C10orf71: variants seen among roughly 807,000 people sequenced by gnomAD.
C10orf71 encodes cardiac-enriched FHL2-interacting protein.
For synonymous variants in C10orf71, 758 were observed against 726.3 expected (o/e 1.04, Z -0.70); for missense variants, 1,869 against 1,804.5 (o/e 1.04, Z -0.65).
In C10orf71 at chr10:49,323,570, C is replaced by T. The variant is rs756308563; in HGVS notation, c.1025C>T (p.Ala342Val). 68 of 1,605,590 alleles carry T rather than the reference C, an allele frequency of 4.2e-5. No individual in the cohort carries two copies. Among genetic ancestry groups the T allele is most frequent in the Non-Finnish European group, 5.5e-5 (65 of 1,175,408 alleles). ...GAAGAGAACAGACTTGCAGCAGGGG[C>T]TCTGTCCACATCTATACCCTGGGGG... ...SQEENRLAAG[A>V]LSTSIPWGCR... The change falls in exon 3 of 3, where the codon GCT becomes GTT. Residue 342 changes from alanine (A) to valine (V), a missense_variant. Coordinates refer to ENST00000374144, the MANE Select transcript of C10orf71 (RefSeq NM_001135196.2).
intron 1 of C10orf71, among the ~76,000 whole-genome samples, chr10:49,314,831 T>G (rs750896585): frequency 6.6e-6 from 1 of 152,296 alleles, no homozygotes; most frequent in African/African-American, 2.4e-5. Context: ...TTTTCCCTTC[T>G]TTTCTGTGCC....
chr10:49,313,838 TGGGTGGGCGGA>T (rs1354135936), intron 1 of C10orf71, among the ~76,000 whole-genome samples: 3 of 151,988 alleles, frequency 2.0e-5, no homozygotes, highest in Non-Finnish European at 4.4e-5. Flanking sequence ...AGTTGCCTGG[TGGGTGGGCGGA>T]GGCGTGGACT....
chr10:49,309,245 T>C (rs1335256571), intron 1 of C10orf71, among the ~76,000 whole-genome samples: 1 of 152,150 alleles, frequency 6.6e-6, no homozygotes, highest in Non-Finnish European at 1.5e-5. Context: ...CCCAGTGGAA[T>C]GGTATTAGGA....
intron 2 of C10orf71, among the ~76,000 whole-genome samples, chr10:49,316,944 T>C (rs1004899405): frequency 6.6e-6 from 1 of 152,144 alleles, no homozygotes; most frequent in Non-Finnish European, 1.5e-5. Context: ...AAAAAACAAA[T>C]AGTGAATACC....
Position 49,326,263 on chromosome 10 carries a change from C to T in C10orf71, c.3718C>T (p.Pro1240Ser), listed in dbSNP as rs754570250. 2 of 1,550,134 alleles carry T rather than the reference C, an allele frequency of 1.3e-6. No homozygotes were observed. The highest frequency in any genetic ancestry group is 1.2e-5 in the South Asian group (1 of 84,064). Residue 1240 changes from proline to serine, a missense_variant, in exon 3 of 3, where the codon CCT (proline) becomes TCT (serine). Physicochemically the swap from Pro to Ser is moderately conservative, Grantham distance 74. Coordinates refer to ENST00000374144, the MANE Select transcript of C10orf71 (RefSeq NM_001135196.2). The stretch of plus-strand genomic sequence containing the variant: ...TTTCCCCGTGGTCCGTTCCCTGCCC[C>T]CTCCCGTGCACCGCCACTCCGTGTC... ...HNFPVVRSLP[P>S]PVHRHSVSGF...
chr10:49,311,940 A>G (rs938172730), intron 1 of C10orf71, among the ~76,000 whole-genome samples: 1 of 152,240 alleles, frequency 6.6e-6, no homozygotes, highest in Non-Finnish European at 1.5e-5. Flanking sequence ...CATCCCAGTC[A>G]ATAATAACAG....
Position 49,323,434 on chromosome 10 carries a change from G to T in C10orf71, c.889G>T (p.Val297Phe). 1 of 1,613,970 alleles carries T rather than the reference G, an allele frequency of 6.2e-7. No individual in the cohort carries two copies. Among genetic ancestry groups the T allele is most frequent in the Non-Finnish European group, 8.5e-7 (1 of 1,179,870 alleles). Residue 297 changes from valine (V) to phenylalanine (F), a missense_variant, in exon 3 of 3, where the codon GTC (valine) becomes TTC (phenylalanine). Physicochemically the swap from Val to Phe is conservative, Grantham distance 50. Coordinates refer to ENST00000374144, the MANE Select transcript of C10orf71 (RefSeq NM_001135196.2). ...GGAGAGAAAGGACACAGCTGGAACC[G>T]TCCCAGAAAGCAAAGCTCCCAAGCA... ...LLERKDTAGT[V>F]PESKAPKHYG...
Position 49,325,453 on chromosome 10 carries a change from G to T in C10orf71, c.2908G>T (p.Val970Leu). 1 of 1,550,284 alleles carries T rather than the reference G, an allele frequency of 6.5e-7. No homozygotes were observed. Among genetic ancestry groups the T allele is most frequent in the Non-Finnish European group, 8.7e-7 (1 of 1,145,930 alleles). The part of the protein sequence containing the change: ...SMPLVGEGDR[V>L]KAPPDAAPGL... ...GCCTCTGGTGGGAGAGGGGGACCGG[G>T]TGAAGGCACCACCAGATGCTGCACC... Residue 970 changes from valine to leucine, a missense_variant, in exon 3 of 3, where the codon GTG becomes TTG. By Grantham distance (32) the Val-to-Leu change is conservative. Transcript: ENST00000374144.
chr10:49,313,476 T>C (rs949736297), intron 1 of C10orf71, among the ~76,000 whole-genome samples: 1 of 152,144 alleles, frequency 6.6e-6, no homozygotes, highest in African/African-American at 2.4e-5. Context: ...TGGAAAGCCA[T>C]CGAGAGATTC....
intron 1 of C10orf71, among the ~76,000 whole-genome samples, chr10:49,311,395 G>A (rs1308265326): frequency 6.6e-6 from 1 of 152,242 alleles, no homozygotes; most frequent in Non-Finnish European, 1.5e-5. Context: ...CCAGCCAGGA[G>A]CCCCGAGGAA....
In C10orf71 at chr10:49,325,080, A is replaced by C; in HGVS notation, c.2535A>C (p.Pro845=). The change falls in exon 3 of 3, where the codon CCA becomes CCC. Residue 845 remains proline, a synonymous_variant. Coordinates refer to ENST00000374144, the MANE Select transcript of C10orf71 (RefSeq NM_001135196.2). Reference sequence around the variant, plus strand: ...AGGCCAAAGACCTTACTCCCTCACCATCTTCTGCTTCAAACAGGCACATGC... The same window carrying C: ...AGGCCAAAGACCTTACTCCCTCACCCTCTTCTGCTTCAAACAGGCACATGC... ...FSQAKDLTPS[P]SSASNRHMLF... 1 of 1,551,854 alleles carries C rather than the reference A, an allele frequency of 6.4e-7. No homozygotes were observed. Among genetic ancestry groups the C allele is most frequent in the South Asian group, 1.2e-5 (1 of 84,062 alleles).
chr10:49,310,599 G>C (rs1848893708), intron 1 of C10orf71, among the ~76,000 whole-genome samples: 1 of 152,168 alleles, frequency 6.6e-6, no homozygotes, highest in Non-Finnish European at 1.5e-5. Context: ...CTGCCTCAGA[G>C]GAGTCATGAG....
At chr10:49,303,357 C>G (rs1160944996) in intron 1 of C10orf71, among the ~76,000 whole-genome samples, 1 of 152,168 alleles carries the variant, frequency 6.6e-6, no homozygotes, top group Non-Finnish European at 1.5e-5. Context: ...AGGCTCAGGA[C>G]AAGGGCAGAC....
chr10:49,298,382 G>A (rs1848671149), upstream of C10orf71, among the ~76,000 whole-genome samples: 1 of 152,230 alleles, frequency 6.6e-6, no homozygotes, highest in African/African-American at 2.4e-5. Flanking sequence ...CTGGTAGCAA[G>A]CAGACTATCC....
chr10:49,309,128 G>A (rs759335239), intron 1 of C10orf71, among the ~76,000 whole-genome samples: 1 of 152,230 alleles, frequency 6.6e-6, no homozygotes, highest in Non-Finnish European at 1.5e-5. Context: ...CTCAACACGT[G>A]TCTGCTGCCC....
chr10:49,314,015 G>T (rs530658113), intron 1 of C10orf71, among the ~76,000 whole-genome samples: 1 of 152,136 alleles, frequency 6.6e-6, no homozygotes, highest in South Asian at 2.1e-4. Flanking sequence ...TCAAGGAGAG[G>T]AAGAGACTAA....
Position 49,326,647 on chromosome 10 carries a change from TC to T in C10orf71, c.4104del (p.Ala1369ArgfsTer45), listed in dbSNP as rs1429988704. 111 of 1,550,044 alleles carry T rather than the reference TC, an allele frequency of 7.2e-5. No homozygotes were observed. Among genetic ancestry groups the T allele is most frequent in the Non-Finnish European group, 9.5e-5 (109 of 1,146,862 alleles). On this transcript the variant is annotated frameshift_variant, in exon 3 of 3. Transcript: ENST00000374144. LOFTEE classifies it low-confidence loss of function (END_TRUNC). Reference sequence around the variant, plus strand: ...CTTCCTCAGGCAGGGCCCTCGTGCCTCCGCGGCCCGCGCCAGGACCCAGAGT... The same window carrying T: ...CTTCCTCAGGCAGGGCCCTCGTGCCTCGCGGCCCGCGCCAGGACCCAGAGT... ...PTFLRQGPRASAARARTQSVH... is the reference protein window; with the variant it reads ...PTFLRQGPRAXAARARTQSVH...
intron 1 of C10orf71, among the ~76,000 whole-genome samples, chr10:49,305,783 C>T (rs1848802460): frequency 6.6e-6 from 1 of 152,200 alleles, no homozygotes; most frequent in Admixed American, 6.5e-5. Context: ...AACGGGGCAC[C>T]CGTAAGTTGG....
At chr10:49,310,194 C>T (rs747798363) in intron 1 of C10orf71, among the ~76,000 whole-genome samples, 7 of 152,234 alleles carry the variant, frequency 4.6e-5, no homozygotes, top group Non-Finnish European at 1.0e-4. Context: ...CCTCCCCAAA[C>T]AGGAAGGACT....
Sources: allele counts gnomAD v4.1 joint callset (sites outside exome capture counted in the v4.1 genomes callset), GRCh38; gene constraint gnomAD v4.1.1; transcripts MANE v1.5; gene names NCBI Gene and HGNC (gene_info 2026-07-23, HGNC 2026-07-21).